The following DMXL2 variants were observed in gnomAD, a reference collection of about 807,000 sequenced individuals.
DMXL2 encodes Dmx like 2.
DMXL2 carries 103 observed loss-of-function variants against 331.1 expected under a neutral mutation model. That is an observed-to-expected ratio of 0.31 (90% confidence interval 0.27 to 0.37). DMXL2 has a LOEUF of 0.37. Among genes scored for constraint, DMXL2 ranks in the 10% least tolerant of loss-of-function variants. The pLI is 1.00. For missense variants in DMXL2, 3,171 were observed against 3,642.9 expected (o/e 0.87, Z 3.33); for synonymous variants, 1,281 against 1,252.1 (o/e 1.02, Z -0.49).
chr15:51,485,599 A>C lies in DMXL2; in HGVS notation c.5482+474T>G, dbSNP rs556923714. 3.9e-5 allele frequency among the ~76,000 whole-genome samples: 6 copies of C among 152,356 alleles called. No individual in the cohort carries two copies. In the South Asian group the frequency reaches 1.0e-3, roughly 26 times the overall value. ...AATGACACACTGTTTCTATATGTGGATATATTAAAACGTATTTAACTATTC... is the reference window on the plus strand; with the variant it reads ...AATGACACACTGTTTCTATATGTGGCTATATTAAAACGTATTTAACTATTC... On this transcript the variant is annotated intron_variant, in intron 23 of 43. Transcript: ENST00000560891.
intron 2 of DMXL2, among the ~76,000 whole-genome samples, chr15:51,569,208 T>A (rs1301640086): frequency 2.6e-5 from 4 of 152,156 alleles, no homozygotes; most frequent in Non-Finnish European, 5.9e-5. Context: ...TTCTCACTGC[T>A]ATCACAGCAT....
intron 21 of DMXL2, 68 bp from the exon 22 acceptor site, chr15:51,488,187 TATAAA>T: frequency 1.5e-6 from 2 of 1,359,842 alleles, no homozygotes; most frequent in Non-Finnish European, 2.0e-6. Flanking sequence ...TGTATAATAA[TATAAA>T]ATAAAAACCT....
chr15:51,449,152 T>C lies in DMXL2; in HGVS notation c.9009A>G (p.Lys3003=). Residue 3003 remains lysine, a synonymous_variant, in exon 44 of 44, where the codon AAA becomes AAG. Coordinates refer to ENST00000560891, the MANE Select transcript of DMXL2 (RefSeq NM_001378457.1). The stretch of plus-strand genomic sequence containing the variant: ...ATATGGACTGCTTAGCATGTTCACT[T>C]TTAAATGAATGAATTAGGCCATGGC... The part of the protein sequence containing the change: ...LTGHGLIHSF[K]SEHAKQSIFR... 1 of 1,614,160 alleles carries C rather than the reference T, an allele frequency of 6.2e-7. No homozygotes were observed. The highest frequency in any genetic ancestry group is 8.5e-7 in the Non-Finnish European group (1 of 1,180,020).
intron 37 of DMXL2, 47 bp downstream of exon 37, chr15:51,457,281 T>C (rs1446249295): frequency 8.8e-6 from 14 of 1,590,376 alleles, no homozygotes; most frequent in Non-Finnish European, 1.2e-5. Context: ...CCAACTGATT[T>C]TTCAGAGTCC....
intron 3 of DMXL2, chr15:51,568,081 CAAAAG>C (rs2050410465): frequency 6.1e-6 from 1 of 163,236 alleles, no homozygotes; most frequent in South Asian, 1.7e-4. Flanking sequence ...TGTCTCAAAA[CAAAAG>C]AAAAAAGAGA....
chr15:51,467,948 A>G (rs952914390), intron 29 of DMXL2, among the ~76,000 whole-genome samples: 9 of 152,086 alleles, frequency 5.9e-5, no homozygotes, highest in Non-Finnish European at 8.8e-5. Flanking sequence ...GGATGGTCCC[A>G]ATCTCCTGAC....
chr15:51,606,198 A>ATG (rs1283391145), intron 1 of DMXL2, among the ~76,000 whole-genome samples: 1 of 151,980 alleles, frequency 6.6e-6, no homozygotes, highest in African/African-American at 2.4e-5. Context: ...GAGATTTTGT[A>ATG]TGTGTGTGTG....
intron 13 of DMXL2, among the ~76,000 whole-genome samples, chr15:51,525,137 AC>A (rs140802399): frequency 0.011 from 1,737 of 151,932 alleles, 25 homozygotes; most frequent in East Asian, 0.024. Context: ...ATTTGTAGAC[AC>A]ACCCTGGGCC....
At position 51,459,668 on chromosome 15, in the gene DMXL2, C is replaced by T; in HGVS notation, c.7927-8G>A. On this transcript the variant is annotated splice_polypyrimidine_tract_variant and splice_region_variant and intron_variant, in intron 33 of 43. Transcript: ENST00000560891. ...CACATGTTCTTCTATAGACTAAATA[C>T]CACCACACCGTCACAAACACAAAAC... is the stretch of plus-strand genomic sequence containing the variant. 7.8e-7 allele frequency: 1 copy of T among 1,289,522 alleles called. No individual in the cohort carries two copies. The highest frequency in any genetic ancestry group is 1.0e-6 in the Non-Finnish European group (1 of 988,678). The allele number at this position is 1,289,522 out of a possible 1,614,324, so 79.9% of individuals were successfully genotyped here.
At chr15:51,460,779 T>G (rs1315221016) in intron 33 of DMXL2, among the ~76,000 whole-genome samples, 1 of 152,216 alleles carries the variant, frequency 6.6e-6, no homozygotes, top group Non-Finnish European at 1.5e-5. Flanking sequence ...AACGACGAGT[T>G]TTTATTTTGT....
At chr15:51,546,448 C>G (rs1298957544) in intron 7 of DMXL2, among the ~76,000 whole-genome samples, 1 of 152,090 alleles carries the variant, frequency 6.6e-6, no homozygotes, top group Non-Finnish European at 1.5e-5. Context: ...TTATCATTTA[C>G]TGAGCATCTC....
chr15:51,600,114 AT>A (rs1309720837), intron 1 of DMXL2, among the ~76,000 whole-genome samples: 1 of 152,136 alleles, frequency 6.6e-6, no homozygotes, highest in Non-Finnish European at 1.5e-5. Flanking sequence ...AATTCCTATA[AT>A]TTTAGGTTGC....
chr15:51,555,540 G>T (rs1189591248), intron 6 of DMXL2, among the ~76,000 whole-genome samples: 1 of 152,128 alleles, frequency 6.6e-6, no homozygotes, highest in African/African-American at 2.4e-5. Context: ...CTAAGCAGGG[G>T]TAGCCAGAGT....
chr15:51,523,453 G>C (rs761572674), intron 13 of DMXL2, among the ~76,000 whole-genome samples: 1 of 152,208 alleles, frequency 6.6e-6, no homozygotes, highest in Admixed American at 6.5e-5. Context: ...AAAGAAAGTT[G>C]ATCAGAGTAG....
intron 18 of DMXL2, among the ~76,000 whole-genome samples, chr15:51,497,732 C>T (rs1336176315): frequency 3.3e-5 from 5 of 152,142 alleles, no homozygotes; most frequent in Admixed American, 1.3e-4. Flanking sequence ...AGGCAAAATA[C>T]GTATGACATT....
chr15:51,474,259 T>A, intron 28 of DMXL2, 85 bp downstream of exon 28: 1 of 1,342,132 alleles, frequency 7.5e-7, no homozygotes, highest in South Asian at 1.5e-5. Context: ...ATTTTCAAAG[T>A]GAAATTTCTT....
chr15:51,535,880 G>C, intron 12 of DMXL2, 96 bp from the exon 13 acceptor site: 2 of 1,371,914 alleles, frequency 1.5e-6, no homozygotes, highest in Non-Finnish European at 2.0e-6. Context: ...TTTTTTTTAG[G>C]CTTAACCATG....
intron 2 of DMXL2, among the ~76,000 whole-genome samples, chr15:51,573,669 A>G (rs2141115697): frequency 6.6e-6 from 1 of 151,978 alleles, no homozygotes; most frequent in South Asian, 2.1e-4. Context: ...ACTGGGGGAA[A>G]CATCACACAC....
rs906015978 is a variant in DMXL2 at position 51,500,034 on chromosome 15, T to C, written c.3190A>G (p.Thr1064Ala). Residue 1064 changes from threonine to alanine, a missense_variant, in exon 18 of 44, where the codon ACA (threonine) becomes GCA (alanine). Transcript: ENST00000560891. ...ACTGGTCTTCCCACAATGCTCACTG[T>C]ACTGCTATTATCTTCTCCTTCATCA... ...MNDEGEDNSS[T>A]VSIVGRPVAV... 3.7e-6 allele frequency: 6 copies of C among 1,614,176 alleles called. No individual in the cohort carries two copies. Among genetic ancestry groups the C allele is most frequent in the Non-Finnish European group, 5.1e-6 (6 of 1,180,020 alleles).
Sources: gnomAD v4.1 joint callset for allele counts (sites outside exome capture counted in the v4.1 genomes callset) on GRCh38, gnomAD v4.1.1 for gene constraint, MANE v1.5 for transcripts, NCBI Gene and HGNC (gene_info 2026-07-23, HGNC 2026-07-21) for gene names.